NCKAP5: variants seen among roughly 807,000 people sequenced by gnomAD.
The protein encoded by NCKAP5 is NCK associated protein 5.
In NCKAP5, 92 loss-of-function variants were observed where a neutral mutation model predicts 167.0. The ratio of observed to expected loss-of-function variants is 0.55; its 90% CI spans 0.47 to 0.66. NCKAP5 has a LOEUF of 0.66. NCKAP5 is among the 30% of genes least tolerant of loss of function. The probability of loss-of-function intolerance (pLI) is 0.00; values close to 1 mark genes in which losing one functional copy is unlikely to be tolerated. For missense variants in NCKAP5, 2,378 were observed against 2,315.0 expected (o/e 1.03, Z -0.56); for synonymous variants, 891 against 877.4 (o/e 1.02, Z -0.27).
At chr2:132,988,634 T>C (rs2077365287) in intron 7 of NCKAP5, among the ~76,000 whole-genome samples, 1 of 152,202 alleles carries the variant, frequency 6.6e-6, no homozygotes, top group Admixed American at 6.5e-5. Flanking sequence ...AGACAGAGGC[T>C]CTCCAGCCTG....
chr2:133,216,359 T>C (rs1478877595), intron 4 of NCKAP5, among the ~76,000 whole-genome samples: 2 of 152,106 alleles, frequency 1.3e-5, no homozygotes, highest in African/African-American at 4.8e-5. Context: ...AGCAAGAGGA[T>C]GGAGAGCCTC....
intron 6 of NCKAP5, among the ~76,000 whole-genome samples, chr2:133,039,102 G>A (rs373836390): frequency 1.8e-4 from 27 of 152,238 alleles, no homozygotes; most frequent in African/African-American, 5.8e-4. Flanking sequence ...AGGTTTGAGC[G>A]GCTCCAGCAT....
At chr2:132,830,933 T>C (rs73955990) in intron 11 of NCKAP5, among the ~76,000 whole-genome samples, 6,211 of 152,244 alleles carry the variant, frequency 0.041, 282 homozygotes, top group East Asian at 0.12. Flanking sequence ...AGTCCTGTTG[T>C]CTCCTGCCAG....
chr2:132,918,121 T>G (rs1467062960), intron 8 of NCKAP5, among the ~76,000 whole-genome samples: 1 of 152,182 alleles, frequency 6.6e-6, no homozygotes, highest in Non-Finnish European at 1.5e-5. Context: ...TAAAAACCCA[T>G]GGGTTGGGAA....
chr2:132,715,315 T>C (rs1191102649), intron 19 of NCKAP5, among the ~76,000 whole-genome samples: 1 of 152,182 alleles, frequency 6.6e-6, no homozygotes, highest in Non-Finnish European at 1.5e-5. Context: ...GTATTTTCAT[T>C]CTGCAGATGA....
intron 3 of NCKAP5, among the ~76,000 whole-genome samples, chr2:133,497,871 A>C (rs74861470): frequency 0.012 from 1,779 of 152,288 alleles, 39 homozygotes; most frequent in African/African-American, 0.041. Context: ...TGCAGAAAAA[A>C]CTACTGGGGA....
intron 6 of NCKAP5, among the ~76,000 whole-genome samples, chr2:133,088,355 T>G (rs1376513737): frequency 6.6e-6 from 1 of 152,156 alleles, no homozygotes; most frequent in African/African-American, 2.4e-5. Context: ...CAGTCTTACC[T>G]CATTTGTCCC....
chr2:132,964,906 C>T (rs758867096), intron 7 of NCKAP5, among the ~76,000 whole-genome samples: 6 of 151,968 alleles, frequency 3.9e-5, no homozygotes, highest in African/African-American at 1.2e-4. Context: ...AAAACCACGG[C>T]GTTTTCAAAC....
chr2:132,929,230 T>C (rs1217323948), intron 8 of NCKAP5, among the ~76,000 whole-genome samples: 1 of 152,144 alleles, frequency 6.6e-6, no homozygotes, highest in African/African-American at 2.4e-5. Flanking sequence ...AAATGTTTAT[T>C]GTTTACACCA....
chr2:133,283,279 A>G (rs1482348934), intron 4 of NCKAP5, among the ~76,000 whole-genome samples: 1 of 152,182 alleles, frequency 6.6e-6, no homozygotes, highest in Non-Finnish European at 1.5e-5. Flanking sequence ...AAGGAGGTAG[A>G]GGAGAAATAG....
chr2:133,114,781 C>T (rs1421860083), intron 6 of NCKAP5, among the ~76,000 whole-genome samples: 1 of 151,978 alleles, frequency 6.6e-6, no homozygotes, highest in Non-Finnish European at 1.5e-5. Context: ...TATAGTGTTT[C>T]CTATAAGTTG....
chr2:132,781,981 T>C lies in NCKAP5; in HGVS notation c.4830A>G (p.Ala1610=). The change falls in exon 14 of 20, where the codon GCA becomes GCG. Residue 1610 remains alanine, a synonymous_variant. Coordinates refer to ENST00000409261, the MANE Select transcript of NCKAP5 (RefSeq NM_207363.3). ...IEPRNRHSPV[A]CSTKDTFMTE... is the part of the protein sequence containing the mutation. ...TCATGAAGGTGTCTTTCGTTGAACA[T>C]GCAACAGGGCTGTGTCTATTCCTTG... is the stretch of plus-strand genomic sequence containing the variant. 6.2e-7 allele frequency: 1 copy of C among 1,613,538 alleles called. No individual in the cohort carries two copies. The highest frequency in any genetic ancestry group is 1.1e-5 in the South Asian group (1 of 90,894).
At chr2:133,267,653 A>AT (rs139560111) in intron 4 of NCKAP5, among the ~76,000 whole-genome samples, 4,019 of 151,568 alleles carry the variant, frequency 0.027, 154 homozygotes, top group African/African-American at 0.087. Flanking sequence ...AGATTCGCAT[A>AT]TTTTTTTTTC....
At chr2:132,731,645 G>C (rs1194553023) in intron 17 of NCKAP5, 92 bp downstream of exon 17, 3 of 1,335,284 alleles carry the variant, frequency 2.2e-6, no homozygotes, top group Non-Finnish European at 3.1e-6. Context: ...ATTTTTATCA[G>C]GCAGGTCACT....
the NCKAP5 span, among the ~76,000 whole-genome samples, chr2:133,574,301 G>A: frequency 0.037 from 5,672 of 151,856 alleles, 363 homozygotes; most frequent in African/African-American, 0.13. Context: ...AGTCCCAGAC[G>A]ACCACGCTAG....
At chr2:133,616,524 C>T in the NCKAP5 span, among the ~76,000 whole-genome samples, 1 of 151,348 alleles carries the variant, frequency 6.6e-6, no homozygotes, top group South Asian at 2.1e-4. Flanking sequence ...CTACCAACAC[C>T]TCTACCCAAA....
chr2:133,051,714 G>A (rs755659491), intron 6 of NCKAP5, among the ~76,000 whole-genome samples: 4 of 152,174 alleles, frequency 2.6e-5, no homozygotes, highest in Non-Finnish European at 5.9e-5. Flanking sequence ...AAAATCATCT[G>A]CTATGCCTAA....
chr2:133,106,380 G>A lies in NCKAP5; in HGVS notation c.341+23598C>T, dbSNP rs185649489. ...AAGTGTGGGCTATGCCAGGGGATAC[G>A]TTTTAGTGGGAATGGAGAAAGGATC... On this transcript the variant is annotated intron_variant, in intron 6 of 19. Coordinates refer to ENST00000409261, the MANE Select transcript of NCKAP5 (RefSeq NM_207363.3). Among the ~76,000 whole-genome samples the A allele has an allele frequency of 3.0e-3, 463 of 151,912 alleles. 2 individuals are homozygous for A. Among genetic ancestry groups the A allele is most frequent in the Admixed American group, 6.2e-3 (95 of 15,256 alleles).
At chr2:133,595,563 G>A in the NCKAP5 span, among the ~76,000 whole-genome samples, 1 of 151,918 alleles carries the variant, frequency 6.6e-6, no homozygotes, top group African/African-American at 2.4e-5. Flanking sequence ...GAGACAGGCA[G>A]GGGTCTTGGT....
Sources: gnomAD v4.1 joint callset for allele counts (sites outside exome capture counted in the v4.1 genomes callset) on GRCh38, gnomAD v4.1.1 for gene constraint, MANE v1.5 for transcripts, NCBI Gene and HGNC (gene_info 2026-07-23, HGNC 2026-07-21) for gene names.